Variants in SKI observed in about 807,000 individuals in gnomAD.
SKI encodes the protein ski oncogene.
SKI carries 23 observed loss-of-function variants against 59.3 expected under a neutral mutation model. That is an observed-to-expected ratio of 0.39 (90% CI 0.28 to 0.55). The LOEUF is 0.55. Ranked by LOEUF, SKI falls within the 20% of genes least tolerant of loss-of-function variation. The pLI is 0.67. For synonymous variants in SKI, 673 were observed against 488.6 expected (o/e 1.38, Z -4.98); for missense variants, 1,017 against 1,038.9 (o/e 0.98, Z 0.29).
intron 1 of SKI, among the ~76,000 whole-genome samples, chr1:2,264,938 G>A (rs530410051): frequency 6.6e-6 from 1 of 151,750 alleles, no homozygotes; most frequent in Non-Finnish European, 1.5e-5. Flanking sequence ...AGCCTCCCGC[G>A]TACCTGGGAT....
At chr1:2,258,138 C>A (rs1216461849) in intron 1 of SKI, among the ~76,000 whole-genome samples, 1 of 152,160 alleles carries the variant, frequency 6.6e-6, no homozygotes, top group African/African-American at 2.4e-5. Context: ...TGATTATTTG[C>A]GACTTTAACC....
At chr1:2,276,484 G>A (rs189245071) in intron 1 of SKI, among the ~76,000 whole-genome samples, 146 of 152,372 alleles carry the variant, frequency 9.6e-4, no homozygotes, top group African/African-American at 3.3e-3. Flanking sequence ...GGGGAGCCAG[G>A]GCTGAGGGCC....
chr1:2,305,376 G>C (rs560119477), intron 5 of SKI, among the ~76,000 whole-genome samples: 1 of 152,172 alleles, frequency 6.6e-6, no homozygotes, highest in Admixed American at 6.5e-5. Context: ...CCGCGGCGTG[G>C]GCTTTAGCAC....
chr1:2,301,781 G>T (rs923356964), intron 1 of SKI, among the ~76,000 whole-genome samples: 9 of 152,250 alleles, frequency 5.9e-5, no homozygotes, highest in Non-Finnish European at 1.2e-4. Flanking sequence ...CCCACCGCCC[G>T]ACTTTGCTGC....
chr1:2,263,495 C>A (rs1355352261), intron 1 of SKI, among the ~76,000 whole-genome samples: 1 of 151,728 alleles, frequency 6.6e-6, no homozygotes, highest in Non-Finnish European at 1.5e-5. Flanking sequence ...CCTCAGCCTC[C>A]CAAAGTGCTG....
At chr1:2,243,854 C>T (rs1328581190) in intron 1 of SKI, among the ~76,000 whole-genome samples, 1 of 152,186 alleles carries the variant, frequency 6.6e-6, no homozygotes, top group Admixed American at 6.5e-5. Flanking sequence ...GTTCACTCAG[C>T]TGGGATGATT....
At position 2,306,226 on chromosome 1, in the gene SKI, C is replaced by T. The variant is rs201895384; in HGVS notation, c.1974C>T (p.Arg658=). 10,497 of 1,560,498 alleles carry T rather than the reference C, an allele frequency of 6.7e-3. 51 individuals carry two copies. The highest frequency in any genetic ancestry group is 7.4e-3 in the Non-Finnish European group (8,538 of 1,153,416). Residue 658 remains arginine (R), a synonymous_variant, in exon 6 of 7, where the codon CGC becomes CGT. Transcript: ENST00000378536. ...RVCDKGCEAG[R]LRAKYSAQIE... ...GCGACAAGGGCTGCGAGGCGGGCCG[C>T]CTGCGCGCCAAGTACTCGGCCCAGG... is the stretch of plus-strand genomic sequence containing the variant.
chr1:2,289,926 G>C lies in SKI; in HGVS notation c.970-13052G>C, dbSNP rs1039112660. Among the ~76,000 whole-genome samples, 4 of 152,274 alleles carry C rather than the reference G, an allele frequency of 2.6e-5. No individual in the cohort carries two copies. In the East Asian group the frequency reaches 7.8e-4, roughly 30 times the overall value. On this transcript the variant is annotated intron_variant, in intron 1 of 6. Coordinates refer to ENST00000378536, the MANE Select transcript of SKI (RefSeq NM_003036.4). Reference sequence around the variant, plus strand: ...CATGGGGTGCTTGCCACTCCACAGAGGGGGTGCAGGAGGCGCCTCCAGGCC... The same window carrying C: ...CATGGGGTGCTTGCCACTCCACAGACGGGGTGCAGGAGGCGCCTCCAGGCC...
chr1:2,236,075 C>G (rs1280397139), intron 1 of SKI, among the ~76,000 whole-genome samples: 1 of 152,218 alleles, frequency 6.6e-6, no homozygotes, highest in African/African-American at 2.4e-5. Context: ...GAGTGCTCTG[C>G]CTCGGTGCCT....
Position 2,269,212 on chromosome 1 carries a change from GTTGGGA to G in SKI, c.970-33764_970-33759del, listed in dbSNP as rs1363709806. On this transcript the variant is annotated intron_variant, in intron 1 of 6. Coordinates refer to ENST00000378536, the MANE Select transcript of SKI (RefSeq NM_003036.4). This position sits in a 1 kb window ranked among gnomAD's most constrained non-coding sequence, Gnocchi z 4.7. ...TCCTCCTGCTTCAGCCTCCCAAAGT[GTTGGGA>G]TGACAGGTGTGAGCCACCGTGCCTG... Among the ~76,000 whole-genome samples, 1 of 152,202 alleles carries G rather than the reference GTTGGGA, an allele frequency of 6.6e-6. No individual in the cohort carries two copies. Among genetic ancestry groups the G allele is most frequent in the Non-Finnish European group, 1.5e-5 (1 of 68,034 alleles).
intron 1 of SKI, among the ~76,000 whole-genome samples, chr1:2,254,911 T>A (rs1569733824): frequency 1.3e-5 from 2 of 152,286 alleles, no homozygotes; most frequent in Non-Finnish European, 2.9e-5. Flanking sequence ...TTCCTCCAAA[T>A]GCCTGTGCTG....
At chr1:2,235,025 C>T (rs905649746) in intron 1 of SKI, among the ~76,000 whole-genome samples, 3 of 143,974 alleles carry the variant, frequency 2.1e-5, no homozygotes, top group Non-Finnish European at 4.5e-5. Context: ...TGGTCTGGAG[C>T]AGGGTTTTTT....
intron 1 of SKI, among the ~76,000 whole-genome samples, chr1:2,249,059 G>A (rs374106825): frequency 3.9e-5 from 6 of 152,258 alleles, no homozygotes; most frequent in African/African-American, 1.2e-4. Flanking sequence ...TGGAGTGTGC[G>A]AGGCTGTCAG....
rs1267077871 is a variant in SKI at position 2,309,115 on chromosome 1, A to AG, written c.*2355dup. 1 of 152,150 alleles carries AG rather than the reference A, an allele frequency of 6.6e-6. No homozygotes were observed. The highest frequency in any genetic ancestry group is 1.5e-5 in the Non-Finnish European group (1 of 68,118). 9.4% of individuals were successfully genotyped at this position (152,150 alleles called of 1,614,324 possible). On this transcript the variant is annotated 3_prime_UTR_variant, in exon 7 of 7. Transcript: ENST00000378536. ...GGTCACTTCCACTGTCAGGGGCCTGAGGGGGCAGCTGTGGCTGCAGGGCTG... is the reference window on the plus strand; with the variant it reads ...GGTCACTTCCACTGTCAGGGGCCTGAGGGGGGCAGCTGTGGCTGCAGGGCTG...
At chr1:2,278,927 CCATGGTGCTGGGATG>C (rs1639807772) in intron 1 of SKI, among the ~76,000 whole-genome samples, 1 of 152,200 alleles carries the variant, frequency 6.6e-6, no homozygotes, top group East Asian at 1.9e-4. Flanking sequence ...ATCCAATTTC[CCATGGTGCTGGGATG>C]CTGCCGCCTC....
chr1:2,255,731 C>T (rs1639260114), intron 1 of SKI, among the ~76,000 whole-genome samples: 1 of 151,514 alleles, frequency 6.6e-6, no homozygotes, highest in African/African-American at 2.4e-5. Context: ...ATCCTGATAT[C>T]ATTTCCTGTC....
intron 1 of SKI, among the ~76,000 whole-genome samples, chr1:2,298,087 G>T (rs567322547): frequency 9.2e-5 from 14 of 152,286 alleles, no homozygotes; most frequent in African/African-American, 3.4e-4. Flanking sequence ...ACAGAGCTTG[G>T]TGGTGGCCCC....
At chr1:2,250,600 A>G (rs1430555317) in intron 1 of SKI, among the ~76,000 whole-genome samples, 1 of 152,204 alleles carries the variant, frequency 6.6e-6, no homozygotes, top group African/African-American at 2.4e-5. Flanking sequence ...TTTGCCGGTC[A>G]TTTGAGAGAA....
intron 1 of SKI, among the ~76,000 whole-genome samples, chr1:2,265,278 A>T (rs1225231418): frequency 1.3e-5 from 2 of 152,156 alleles, no homozygotes; most frequent in Non-Finnish European, 2.9e-5. Context: ...TGTGTCAGTC[A>T]TGTGAATGTT....
Sources: allele counts gnomAD v4.1 joint callset (sites outside exome capture counted in the v4.1 genomes callset), GRCh38; gene constraint gnomAD v4.1.1; non-coding constraint Gnocchi (gnomAD v3.1); transcripts MANE v1.5; gene names NCBI Gene and HGNC (gene_info 2026-07-23, HGNC 2026-07-21).